Variants in RBIS observed in about 807,000 individuals in gnomAD.
The protein encoded by RBIS is ribosome biogenesis factor identified in screen.
In RBIS, 9 loss-of-function variants were observed where a neutral mutation model predicts 9.8. The observed-to-expected ratio is 0.92, with a 90% confidence interval of 0.56 to 1.61. The LOEUF (loss-of-function observed/expected upper bound fraction) is 1.61. Among genes scored for constraint, RBIS ranks in the 40% most tolerant of loss-of-function variants. The pLI is 0.00. For synonymous variants in RBIS, 35 were observed against 37.9 expected, an observed-to-expected ratio of 0.92 and a Z score of 0.28; for missense variants, 103 against 116.0, an observed-to-expected ratio of 0.89 and a Z score of 0.51.
chr8:85,214,699 G>C, intron 3 of RBIS, 68 bp from the exon 4 acceptor site: 1 of 999,024 alleles, frequency 1.0e-6, no homozygotes, highest in South Asian at 1.4e-5. Context: ...TATATAAGCT[G>C]TTATTCAATT....
chr8:85,215,097 T>A (rs534051233), intron 2 of RBIS, 60 bp from the exon 3 acceptor site: 46 of 677,128 alleles, frequency 6.8e-5, no homozygotes, highest in Admixed American at 1.6e-4. Flanking sequence ...ATAAGATATA[T>A]TCAACCTTAA....
chr8:85,215,003 ACT>A lies in RBIS; in HGVS notation c.147_148del (p.Arg49SerfsTer3), dbSNP rs540894179. ...TTGTACATTTACAAAAGCTTTATTT[ACT>A]CTGTTAACTTTTTCCTCATTCATAA... On this transcript the variant is annotated frameshift_variant, in exon 3 of 4. Coordinates refer to ENST00000619594, the MANE Select transcript of RBIS (RefSeq NM_001099673.3). LOFTEE classifies it high-confidence loss of function. The A allele has an allele frequency of 3.8e-4, 595 of 1,549,008 alleles. No homozygotes were observed. Among genetic ancestry groups the A allele is most frequent in the Non-Finnish European group, 4.8e-4 (549 of 1,134,640 alleles).
Position 85,214,901 on chromosome 8 carries a change from A to T in RBIS, c.231+20T>A, listed in dbSNP as rs183133372. 1 of 1,325,518 alleles carries T rather than the reference A, an allele frequency of 7.5e-7. No homozygotes were observed. Among genetic ancestry groups the T allele is most frequent in the African/African-American group, 1.5e-5 (1 of 68,266 alleles). The allele number at this position is 1,325,518 out of a possible 1,614,324, so 82.1% of individuals were successfully genotyped here. A position where few individuals can be genotyped will look rare whatever the true frequency, so the allele number is the denominator to read the frequency against. On this transcript the variant is annotated intron_variant, in intron 3 of 3. Coordinates refer to ENST00000619594, the MANE Select transcript of RBIS (RefSeq NM_001099673.3). ...CCTCAATTTGTTAGCCATAAAAAAA[A>T]GCAAATGATTTCTGCTTACCAGTTC...
At position 85,220,322 on chromosome 8, in the gene RBIS, G is replaced by C. The variant is rs920179553; in HGVS notation, c.-20C>G. 1 of 152,248 alleles carries C rather than the reference G, an allele frequency of 6.6e-6. No individual in the cohort carries two copies. 9.4% of individuals were successfully genotyped at this position (152,248 alleles called of 1,614,324 possible). A position where few individuals can be genotyped will look rare whatever the true frequency, so the allele number is the denominator to read the frequency against. On this transcript the variant is annotated 5_prime_UTR_variant, in exon 1 of 4. Transcript: ENST00000619594. Reference sequence around the variant, plus strand: ...AACTCTCACCAGAAGTTTAACACTTGCGTGCAGCTTTTTAAGCTCCAGGTA... The same window carrying C: ...AACTCTCACCAGAAGTTTAACACTTCCGTGCAGCTTTTTAAGCTCCAGGTA...
At chr8:85,215,086 G>A (rs1813086692) in intron 2 of RBIS, 49 bp from the exon 3 acceptor site, 2 of 735,610 alleles carry the variant, frequency 2.7e-6, no homozygotes, top group African/African-American at 1.8e-5. Flanking sequence ...AACCATTAAA[G>A]ATAAGATATA....
chr8:85,214,593 A>G lies in RBIS; in HGVS notation c.270T>C (p.Val90=). 3 of 1,575,364 alleles carry G rather than the reference A, an allele frequency of 1.9e-6. No individual in the cohort carries two copies. Among genetic ancestry groups the G allele is most frequent in the Middle Eastern group, 1.7e-4 (1 of 5,876 alleles). ...QQRHESKPVN[V]DEATRLMALL ...GAGCCATTAATCTTGTAGCTTCATC[A>G]ACATTAACTGGTTTGCTTTCATGAC... The change falls in exon 4 of 4, where the codon GTT becomes GTC. Residue 90 remains valine (V), a synonymous_variant. Coordinates refer to ENST00000619594, the MANE Select transcript of RBIS (RefSeq NM_001099673.3).
intron 1 of RBIS, chr8:85,218,639 A>C (rs1239829614): frequency 1.3e-5 from 2 of 152,166 alleles, no homozygotes; most frequent in Non-Finnish European, 2.9e-5. Context: ...GGCAGAGACC[A>C]GCCTCACCAT....
chr8:85,218,370 C>T (rs907776162), intron 1 of RBIS, among the ~76,000 whole-genome samples: 2 of 151,944 alleles, frequency 1.3e-5, no homozygotes, highest in Non-Finnish European at 2.9e-5. Context: ...GCCAGGCAGA[C>T]TAGATCAGAG....
chr8:85,219,855 CA>C, intron 1 of RBIS, among the ~76,000 whole-genome samples: 1 of 151,916 alleles, frequency 6.6e-6, no homozygotes, highest in East Asian at 1.9e-4. Flanking sequence ...ATTTTATACA[CA>C]AAAAATATAT....
chr8:85,215,660 A>C (rs1276716745), intron 2 of RBIS: 1 of 152,288 alleles, frequency 6.6e-6, no homozygotes, highest in Admixed American at 6.5e-5. Context: ...AGAGCAGGGA[A>C]GCTCCATGCC....
chr8:85,219,408 T>C (rs1397011836), intron 1 of RBIS: 1 of 152,138 alleles, frequency 6.6e-6, no homozygotes, highest in Non-Finnish European at 1.5e-5. Context: ...TTACAGAAGA[T>C]GCAAAAAATA....
In RBIS at chr8:85,217,372, T is replaced by G. The variant is rs1813194073; in HGVS notation, c.114+14A>C. 7.0e-7 allele frequency: 1 copy of G among 1,419,330 alleles called. No individual in the cohort carries two copies. 87.9% of individuals were successfully genotyped at this position (1,419,330 alleles called of 1,614,324 possible). On this transcript the variant is annotated intron_variant, in intron 2 of 3. Transcript: ENST00000619594. ...TTGTAAACAATAAAGTCAGAGTGCT[T>G]AACTAATACTCACCTTCTTAAGATT...
chr8:85,217,428 CT>C lies in RBIS; in HGVS notation c.71del (p.Lys24ArgfsTer16). 1 of 1,612,842 alleles carries C rather than the reference CT, an allele frequency of 6.2e-7. No individual in the cohort carries two copies. Among genetic ancestry groups the C allele is most frequent in the Non-Finnish European group, 8.5e-7 (1 of 1,179,518 alleles). On this transcript the variant is annotated frameshift_variant, in exon 2 of 4. Coordinates refer to ENST00000619594, the MANE Select transcript of RBIS (RefSeq NM_001099673.3). LOFTEE classifies it high-confidence loss of function. ...TAACTGGTTTTGCTTTGTTTTTAGC[CT>C]TAAAGTTTTTTTGGCTGGCTATGTG... ...VFHIASQKNF[K>X]AKNKAKPVTT... is the part of the protein sequence containing the mutation.
At chr8:85,216,420 C>A (rs1255185141) in intron 2 of RBIS, 1 of 152,176 alleles carries the variant, frequency 6.6e-6, no homozygotes, top group African/African-American at 2.4e-5. Context: ...TCTCTTAGAT[C>A]CTACCTGGTG....
At chr8:85,214,868 T>G (rs1250878279) in intron 3 of RBIS, 53 bp downstream of exon 3, 1 of 1,022,802 alleles carries the variant, frequency 9.8e-7, no homozygotes, top group African/African-American at 1.6e-5. Flanking sequence ...GGGAGTTTAA[T>G]TTATTAGCCT....
intron 3 of RBIS, 34 bp from the exon 4 acceptor site, chr8:85,214,665 G>C: frequency 7.8e-7 from 1 of 1,280,708 alleles, no homozygotes. Context: ...TAAAAACACA[G>C]ACAACAATAG....
chr8:85,219,953 A>G (rs1813302324), intron 1 of RBIS, among the ~76,000 whole-genome samples: 1 of 152,162 alleles, frequency 6.6e-6, no homozygotes, highest in Admixed American at 6.5e-5. Context: ...TAATATACAC[A>G]TGGACCATGA....
intron 2 of RBIS, chr8:85,217,019 T>A (rs1377558561): frequency 3.0e-6 from 1 of 338,726 alleles, no homozygotes; most frequent in African/African-American, 2.1e-5. Context: ...AGAAAAAGAA[T>A]GGGTGCTCAC....
chr8:85,214,325 ATAAC>A lies in RBIS; in HGVS notation c.*231_*234del, dbSNP rs1378708055. On this transcript the variant is annotated 3_prime_UTR_variant, in exon 4 of 4. Transcript: ENST00000619594. ...AAGTGAAGGATGTAAACGAGGATAT[ATAAC>A]TGTTTCAGTGAACAGATTTTGTGAA... The A allele has an allele frequency of 1.7e-6, 1 of 590,988 alleles. No individual in the cohort carries two copies. Among genetic ancestry groups the A allele is most frequent in the Non-Finnish European group, 3.0e-6 (1 of 331,036 alleles). The allele number at this position is 590,988 out of a possible 1,614,324, so 36.6% of individuals were successfully genotyped here. A position where few individuals can be genotyped will look rare whatever the true frequency, so the allele number is the denominator to read the frequency against.
Sources: allele counts gnomAD v4.1 joint callset (sites outside exome capture counted in the v4.1 genomes callset), GRCh38; gene constraint gnomAD v4.1.1; transcripts MANE v1.5; gene names NCBI Gene and HGNC (gene_info 2026-07-23, HGNC 2026-07-21).